Variants in RCAN2 observed in about 807,000 individuals in gnomAD.
RCAN2 encodes regulator of calcineurin 2.
RCAN2 carries 9 observed loss-of-function variants against 23.6 expected under a neutral mutation model. The ratio of observed to expected loss-of-function variants is 0.38; its 90% CI spans 0.23 to 0.67. The LOEUF (loss-of-function observed/expected upper bound fraction) is 0.67, where lower values mean the gene tolerates loss of function less well. RCAN2 is among the 30% of genes least tolerant of loss of function. RCAN2 has a pLI of 0.51. For synonymous variants in RCAN2, 109 were observed against 115.7 expected, an observed-to-expected ratio of 0.94 and a Z score of 0.37; for missense variants, 273 against 302.3, an observed-to-expected ratio of 0.90 and a Z score of 0.72.
At chr6:46,459,228 C>A (rs1307354990) in intron 1 of RCAN2, among the ~76,000 whole-genome samples, 1 of 152,206 alleles carries the variant, frequency 6.6e-6, no homozygotes, top group Non-Finnish European at 1.5e-5. Flanking sequence ...AAGTCATAAT[C>A]ATTCAGCAGC....
At chr6:46,330,334 G>A (rs1331811243) in intron 2 of RCAN2, among the ~76,000 whole-genome samples, 1 of 152,130 alleles carries the variant, frequency 6.6e-6, no homozygotes, top group Non-Finnish European at 1.5e-5. Context: ...CCCTCCAGGT[G>A]ATTCTGATGC....
chr6:46,328,332 A>C (rs1427453137), intron 2 of RCAN2, among the ~76,000 whole-genome samples: 1 of 152,248 alleles, frequency 6.6e-6, no homozygotes, highest in Non-Finnish European at 1.5e-5. Context: ...GATAACTCAT[A>C]GTATTATCCC....
At chr6:46,311,738 AT>A (rs1429600780) in intron 2 of RCAN2, among the ~76,000 whole-genome samples, 5 of 152,350 alleles carry the variant, frequency 3.3e-5, no homozygotes, top group Admixed American at 3.3e-4. Context: ...TTCAGGACTT[AT>A]TAACTCCCTC....
chr6:46,304,651 T>C (rs772932078), intron 2 of RCAN2, among the ~76,000 whole-genome samples: 1 of 152,104 alleles, frequency 6.6e-6, no homozygotes, highest in Non-Finnish European at 1.5e-5. Flanking sequence ...AGCACAGTGG[T>C]ACTGAGGCAG....
chr6:46,251,339 G>A (rs1766707565), intron 2 of RCAN2, among the ~76,000 whole-genome samples: 1 of 152,204 alleles, frequency 6.6e-6, no homozygotes, highest in Non-Finnish European at 1.5e-5. Context: ...CACAATGAGA[G>A]TACTCTGAAC....
intron 2 of RCAN2, among the ~76,000 whole-genome samples, chr6:46,425,706 G>A (rs1767012025): frequency 6.6e-6 from 1 of 151,740 alleles, no homozygotes; most frequent in Admixed American, 6.6e-5. Context: ...TAATTTATGT[G>A]CCTACTTACC....
At chr6:46,458,716 A>T (rs1768119681) in intron 1 of RCAN2, among the ~76,000 whole-genome samples, 1 of 152,216 alleles carries the variant, frequency 6.6e-6, no homozygotes, top group African/African-American at 2.4e-5. Context: ...ACTTCAATGA[A>T]ACATGTGCAT....
chr6:46,350,346 G>T (rs981540064), intron 2 of RCAN2, among the ~76,000 whole-genome samples: 3 of 152,300 alleles, frequency 2.0e-5, no homozygotes, highest in African/African-American at 4.8e-5. Flanking sequence ...ATGTTAAGAA[G>T]AATTTGCATG....
intron 2 of RCAN2, among the ~76,000 whole-genome samples, chr6:46,418,705 A>G (rs958373725): frequency 9.8e-6 from 1 of 101,718 alleles, no homozygotes; most frequent in Non-Finnish European, 1.9e-5. Flanking sequence ...GTATATATAT[A>G]TATATATATA....
At chr6:46,227,766 T>C (rs970304078) in intron 4 of RCAN2, among the ~76,000 whole-genome samples, 1 of 152,222 alleles carries the variant, frequency 6.6e-6, no homozygotes, top group Non-Finnish European at 1.5e-5. Flanking sequence ...TGAAGGGTTT[T>C]TTTGTGTCCC....
intron 2 of RCAN2, among the ~76,000 whole-genome samples, chr6:46,335,498 G>C (rs2150369444): frequency 6.6e-6 from 1 of 152,292 alleles, no homozygotes; most frequent in East Asian, 1.9e-4. Flanking sequence ...GGACAATAAA[G>C]TGGGAGTCAA....
intron 2 of RCAN2, among the ~76,000 whole-genome samples, chr6:46,406,620 G>A (rs1432786479): frequency 6.6e-6 from 1 of 152,134 alleles, no homozygotes; most frequent in East Asian, 1.9e-4. Flanking sequence ...TTTTCTTAAT[G>A]CTTACAAGTA....
intron 2 of RCAN2, among the ~76,000 whole-genome samples, chr6:46,269,717 C>A (rs1767461556): frequency 6.6e-6 from 1 of 152,058 alleles, no homozygotes; most frequent in African/African-American, 2.4e-5. Flanking sequence ...TGTACAGGAG[C>A]TTCATTTAGG....
chr6:46,308,647 G>T (rs1468383779), intron 2 of RCAN2, among the ~76,000 whole-genome samples: 5 of 152,114 alleles, frequency 3.3e-5, no homozygotes, highest in Admixed American at 6.5e-5. Flanking sequence ...GTCATATAAA[G>T]AATTATCTGG....
intron 1 of RCAN2, among the ~76,000 whole-genome samples, chr6:46,463,117 T>C (rs1041226131): frequency 7.9e-5 from 12 of 152,054 alleles, no homozygotes; most frequent in Non-Finnish European, 1.5e-4. Flanking sequence ...GCATCTAGAG[T>C]CTTGGCAACC....
At chr6:46,314,998 C>G (rs1329719037) in intron 2 of RCAN2, among the ~76,000 whole-genome samples, 1 of 152,130 alleles carries the variant, frequency 6.6e-6, no homozygotes, top group African/African-American at 2.4e-5. Context: ...GAAGTGGAGG[C>G]TGCAGTGAGC....
intron 2 of RCAN2, among the ~76,000 whole-genome samples, chr6:46,261,974 AAC>A (rs1333947705): frequency 6.6e-6 from 1 of 152,168 alleles, no homozygotes. Flanking sequence ...GACTATTGAA[AAC>A]ATCAGAAGCT....
At chr6:46,325,026 T>C (rs1164519594) in intron 2 of RCAN2, among the ~76,000 whole-genome samples, 1 of 152,252 alleles carries the variant, frequency 6.6e-6, no homozygotes, top group African/African-American at 2.4e-5. Context: ...GTTTATTATG[T>C]GTGCTTTCTT....
intron 2 of RCAN2, among the ~76,000 whole-genome samples, chr6:46,405,169 T>C (rs137871491): frequency 0.021 from 3,196 of 152,210 alleles, 52 homozygotes; most frequent in Non-Finnish European, 0.033. Flanking sequence ...TGTTCAGATG[T>C]GTTCGGAGTT....
Sources: allele counts gnomAD v4.1 joint callset (sites outside exome capture counted in the v4.1 genomes callset), GRCh38; gene constraint gnomAD v4.1.1; transcripts MANE v1.5; gene names NCBI Gene and HGNC (gene_info 2026-07-23, HGNC 2026-07-21).